DNAH9: variants seen among roughly 807,000 people sequenced by gnomAD.
DNAH9 encodes the protein DNAH9 variant protein.
Under a neutral mutation model 471.6 loss-of-function variants are expected in DNAH9, and 345 were observed. That is an observed-to-expected ratio of 0.73 (90% CI 0.67 to 0.80). The LOEUF (loss-of-function observed/expected upper bound fraction) is 0.80. Ranked by LOEUF, DNAH9 falls within the 30% of genes least tolerant of loss-of-function variation. DNAH9 has a pLI of 0.00. For synonymous variants in DNAH9, 2,093 were observed against 2,123.6 expected (o/e 0.99, Z 0.40); for missense variants, 5,407 against 5,609.2 (o/e 0.96, Z 1.15).
chr17:11,691,004 C>T (rs2074325337), intron 20 of DNAH9, among the ~76,000 whole-genome samples: 1 of 152,164 alleles, frequency 6.6e-6, no homozygotes, highest in Non-Finnish European at 1.5e-5. Flanking sequence ...GTGCCATTAA[C>T]TTACCCCTCT....
intron 17 of DNAH9, among the ~76,000 whole-genome samples, chr17:11,671,574 A>G (rs1279877616): frequency 6.6e-6 from 1 of 152,154 alleles, no homozygotes; most frequent in East Asian, 1.9e-4. Flanking sequence ...TGATTAGGGC[A>G]GGGGGATAAT....
chr17:11,723,349 G>A (rs572046796), intron 27 of DNAH9: 3 of 152,290 alleles, frequency 2.0e-5, no homozygotes, highest in South Asian at 4.1e-4. Context: ...CACCAGTGTC[G>A]ATTGTTCAGC....
intron 52 of DNAH9, among the ~76,000 whole-genome samples, chr17:11,872,445 G>T (rs1030393790): frequency 1.3e-5 from 2 of 149,888 alleles, no homozygotes; most frequent in Non-Finnish European, 2.9e-5. Context: ...ATACTTGGAC[G>T]CGAGCATCAG....
In DNAH9 at chr17:11,610,544, T is replaced by C; in HGVS notation, c.763T>C (p.Trp255Arg). The change falls in exon 3 of 69, where the codon TGG (tryptophan) becomes CGG (arginine). Residue 255 changes from tryptophan to arginine, a missense_variant. Coordinates refer to ENST00000262442, the MANE Select transcript of DNAH9 (RefSeq NM_001372.4). Reference sequence around the variant, plus strand: ...CACCCCTAAGGTGGAGTTGGAGTTCTGGAAGAGCAGGTAGGCAAGAAGGCA... The same window carrying C: ...CACCCCTAAGGTGGAGTTGGAGTTCCGGAAGAGCAGGTAGGCAAGAAGGCA... ...NPTPKVELEF[W>R]KSRYEDLKYI... 1 of 1,612,510 alleles carries C rather than the reference T, an allele frequency of 6.2e-7. No homozygotes were observed. The highest frequency in any genetic ancestry group is 1.3e-5 in the African/African-American group (1 of 75,006).
chr17:11,643,607 G>A (rs8074042), intron 10 of DNAH9, among the ~76,000 whole-genome samples: 32,513 of 152,098 alleles, frequency 0.21, 3,635 homozygotes, highest in African/African-American at 0.28. Flanking sequence ...ACCTATGTCT[G>A]TGGTCTAGAG....
chr17:11,740,461 C>T (rs759734162), intron 29 of DNAH9, among the ~76,000 whole-genome samples: 8 of 152,142 alleles, frequency 5.3e-5, no homozygotes, highest in Non-Finnish European at 1.0e-4. Context: ...GCTGTATCCT[C>T]ACATGGAGGA....
rs375448284 is a variant in DNAH9 at position 11,607,730 on chromosome 17, C to T, written c.418-399C>T. On this transcript the variant is annotated intron_variant, in intron 1 of 68. Transcript: ENST00000262442. ...GATCACAGGAACCCGCCACCACACC[C>T]GGCTAATTTTTGTATTTTTAGTAGA... 7.9e-5 allele frequency among the ~76,000 whole-genome samples: 12 copies of T among 152,092 alleles called. No individual in the cohort carries two copies. The South Asian group carries it at 8.3e-4, about 11-fold the overall frequency.
chr17:11,757,779 C>A, intron 35 of DNAH9, 87 bp downstream of exon 35: 2 of 1,423,044 alleles, frequency 1.4e-6, no homozygotes, highest in African/African-American at 1.4e-5. Context: ...GATGTTCTGT[C>A]CTGTCCCAAA....
Position 11,894,511 on chromosome 17 carries a change from CT to C in DNAH9, c.11406+16del, listed in dbSNP as rs1253166113. On this transcript the variant is annotated intron_variant, in intron 59 of 68. Coordinates refer to ENST00000262442, the MANE Select transcript of DNAH9 (RefSeq NM_001372.4). ...GAGCTGTCAAGGTCAGTATTGACCC[CT>C]AGAAAAAAGCCAAGCTCTCATCTCT... The C allele has an allele frequency of 1.2e-6, 2 of 1,604,804 alleles. No individual in the cohort carries two copies. Among genetic ancestry groups the C allele is most frequent in the South Asian group, 1.1e-5 (1 of 90,488 alleles).
In DNAH9 at chr17:11,934,435, A is replaced by ATTTTTTTTTTTTT. The variant is rs547023975; in HGVS notation, c.12489+380_12489+392dup. On this transcript the variant is annotated intron_variant, in intron 65 of 68. Coordinates refer to ENST00000262442, the MANE Select transcript of DNAH9 (RefSeq NM_001372.4). ...TTTCACTTGGGATGTTGACAAACCCATTTTTTTTTTTTTTTTTTTTTTTTT... is the reference window on the plus strand; with the variant it reads ...TTTCACTTGGGATGTTGACAAACCCATTTTTTTTTTTTTTTTTTTTTTTTTTTTTTTTTTTTTT... Among the ~76,000 whole-genome samples, 24 of 86,032 alleles carry ATTTTTTTTTTTTT rather than the reference A, an allele frequency of 2.8e-4. 3 individuals are homozygous for ATTTTTTTTTTTTT. Among genetic ancestry groups the ATTTTTTTTTTTTT allele is most frequent in the Non-Finnish European group, 5.2e-4 (23 of 44,592 alleles). 56.4% of individuals were successfully genotyped at this position (86,032 alleles called of 152,430 possible).
chr17:11,628,724 C>A (rs920012268), intron 6 of DNAH9, among the ~76,000 whole-genome samples: 8 of 152,196 alleles, frequency 5.3e-5, no homozygotes, highest in Non-Finnish European at 8.8e-5. Flanking sequence ...AACTGGATAA[C>A]ATGATCCATT....
At chr17:11,661,886 C>T (rs2073771698) in intron 14 of DNAH9, among the ~76,000 whole-genome samples, 1 of 152,020 alleles carries the variant, frequency 6.6e-6, no homozygotes, top group African/African-American at 2.4e-5. Context: ...TATATTTACT[C>T]ACATACTCAT....
At chr17:11,709,360 C>G (rs1476658187) in intron 26 of DNAH9, among the ~76,000 whole-genome samples, 1 of 152,148 alleles carries the variant, frequency 6.6e-6, no homozygotes, top group Non-Finnish European at 1.5e-5. Flanking sequence ...TGCATTTTCT[C>G]ATTGACTTCC....
At position 11,623,021 on chromosome 17, in the gene DNAH9, T is replaced by C. The variant is rs554663206; in HGVS notation, c.1350+3240T>C. 6.8e-6 allele frequency among the ~76,000 whole-genome samples: 1 copy of C among 146,094 alleles called. No individual in the cohort carries two copies. Among genetic ancestry groups the C allele is most frequent in the Admixed American group, 7.1e-5 (1 of 14,036 alleles). ...GGAGTTTTGCTCTTGTTGCCCAGGC[T>C]GGAGTGCAGTGGCACAATCTCGGCT... On this transcript the variant is annotated intron_variant, in intron 6 of 68. Coordinates refer to ENST00000262442, the MANE Select transcript of DNAH9 (RefSeq NM_001372.4). This position sits in a 1 kb window ranked among gnomAD's most constrained non-coding sequence, Gnocchi z 4.1.
chr17:11,902,245 A>G (rs552262781), intron 59 of DNAH9, among the ~76,000 whole-genome samples: 1 of 152,344 alleles, frequency 6.6e-6, no homozygotes, highest in South Asian at 2.1e-4. Flanking sequence ...TCATAGAAAT[A>G]GACAACCCAT....
At chr17:11,798,547 A>G (rs1322706233) in intron 43 of DNAH9, among the ~76,000 whole-genome samples, 1 of 151,594 alleles carries the variant, frequency 6.6e-6, no homozygotes, top group East Asian at 1.9e-4. Context: ...TTTGCTATCT[A>G]GTGAATCACT....
chr17:11,612,118 A>T (rs928108255), intron 4 of DNAH9: 1 of 551,508 alleles, frequency 1.8e-6, no homozygotes, highest in East Asian at 3.0e-5. Flanking sequence ...TAACACAACA[A>T]TGTTCCTGGA....
chr17:11,924,616 CTTTTTTTTTT>C (rs756191140), intron 62 of DNAH9, among the ~76,000 whole-genome samples: 3 of 91,956 alleles, frequency 3.3e-5, no homozygotes, highest in Non-Finnish European at 5.9e-5. Context: ...ACTACTAACT[CTTTTTTTTTT>C]TTTTTTTTTT....
chr17:11,620,275 G>A (rs1225294220), intron 6 of DNAH9, among the ~76,000 whole-genome samples: 1 of 152,124 alleles, frequency 6.6e-6, no homozygotes, highest in Non-Finnish European at 1.5e-5. Flanking sequence ...AGCATTTGGG[G>A]AGGCCAAGGC....
Sources: gnomAD v4.1 joint callset for allele counts (sites outside exome capture counted in the v4.1 genomes callset) on GRCh38, gnomAD v4.1.1 for gene constraint, Gnocchi (gnomAD v3.1) non-coding constraint, MANE v1.5 for transcripts, NCBI Gene and HGNC (gene_info 2026-07-23, HGNC 2026-07-21) for gene names.